Variants in FRYL observed in about 807,000 individuals in gnomAD.
FRYL encodes the protein protein furry homolog-like.
Under a neutral mutation model 351.2 loss-of-function variants are expected in FRYL, and 150 were observed. The ratio of observed to expected loss-of-function variants is 0.43; its 90% CI spans 0.37 to 0.49. The LOEUF (loss-of-function observed/expected upper bound fraction) is 0.49, where lower values mean the gene tolerates loss of function less well. FRYL is among the 20% of genes least tolerant of loss of function. The pLI is 0.00. For synonymous variants in FRYL, 1,153 were observed against 1,257.1 expected (o/e 0.92, Z 1.75); for missense variants, 3,036 against 3,619.3 (o/e 0.84, Z 4.13).
intron 1 of FRYL, among the ~76,000 whole-genome samples, chr4:48,740,342 T>G (rs1771915971): frequency 7.0e-6 from 1 of 141,952 alleles, no homozygotes. Flanking sequence ...TCACCCAGGC[T>G]GGAATGCAGT....
At chr4:48,507,983 TAATA>T (rs1400562829) in intron 59 of FRYL, among the ~76,000 whole-genome samples, 1 of 152,054 alleles carries the variant, frequency 6.6e-6, no homozygotes, top group Non-Finnish European at 1.5e-5. Flanking sequence ...TCTTGAATAA[TAATA>T]AAAAGAATGT....
At chr4:48,683,119 C>T (rs1413605866) in intron 3 of FRYL, among the ~76,000 whole-genome samples, 2 of 152,078 alleles carry the variant, frequency 1.3e-5, no homozygotes, top group African/African-American at 2.4e-5. Context: ...GTCCTTTGCA[C>T]GGACATGGAT....
intron 16 of FRYL, 48 bp from the exon 17 acceptor site, chr4:48,590,878 CCTT>C (rs1743093237): frequency 1.4e-6 from 2 of 1,418,266 alleles, no homozygotes; most frequent in African/African-American, 2.9e-5. Flanking sequence ...TCATAAATTA[CCTT>C]TTTTGCATGT....
chr4:48,581,732 T>A, intron 20 of FRYL, 127 bp from the exon 21 acceptor site: 1 of 679,848 alleles, frequency 1.5e-6, no homozygotes, highest in Non-Finnish European at 2.4e-6. Flanking sequence ...TCAAGCAATG[T>A]AAATCGCATG....
chr4:48,688,562 T>C (rs1434298999), intron 2 of FRYL, among the ~76,000 whole-genome samples: 4 of 152,110 alleles, frequency 2.6e-5, no homozygotes, highest in Admixed American at 2.6e-4. Context: ...GTTTTATCAC[T>C]CTTCAATTGC....
intron 3 of FRYL, among the ~76,000 whole-genome samples, chr4:48,662,662 G>GTGCA (rs1560815599): frequency 2.0e-5 from 3 of 151,010 alleles, no homozygotes; most frequent in African/African-American, 7.3e-5. Flanking sequence ...ACAGTGGCGC[G>GTGCA]TGCATGTAAT....
At chr4:48,748,969 T>C (rs886696716) in intron 1 of FRYL, among the ~76,000 whole-genome samples, 1 of 152,134 alleles carries the variant, frequency 6.6e-6, no homozygotes, top group African/African-American at 2.4e-5. Context: ...AAGAACATTC[T>C]AGCCACAGGA....
chr4:48,540,227 G>T, intron 46 of FRYL, 126 bp downstream of exon 46: 1 of 1,218,604 alleles, frequency 8.2e-7, no homozygotes, highest in South Asian at 1.6e-5. Context: ...AATAATTTAA[G>T]CTACCTAGCG....
intron 3 of FRYL, among the ~76,000 whole-genome samples, chr4:48,640,565 T>C (rs1164870732): frequency 6.6e-6 from 1 of 152,164 alleles, no homozygotes; most frequent in Non-Finnish European, 1.5e-5. Context: ...TAGTATAGTA[T>C]ATGGTGGATA....
chr4:48,687,949 A>T (rs185134468), intron 2 of FRYL, among the ~76,000 whole-genome samples: 13 of 152,300 alleles, frequency 8.5e-5, no homozygotes, highest in African/African-American at 3.1e-4. Flanking sequence ...GTGAGTCTTT[A>T]GGCAACAGTT....
At chr4:48,679,697 A>G (rs1326832242) in intron 3 of FRYL, among the ~76,000 whole-genome samples, 1 of 152,050 alleles carries the variant, frequency 6.6e-6, no homozygotes, top group Non-Finnish European at 1.5e-5. Flanking sequence ...GTTCTAACAC[A>G]AAGAAATGAT....
intron 4 of FRYL, among the ~76,000 whole-genome samples, chr4:48,626,105 C>T (rs1751751731): frequency 6.6e-6 from 1 of 152,036 alleles, no homozygotes; most frequent in Admixed American, 6.6e-5. Context: ...TACAATATAG[C>T]CACGAAAGTT....
At chr4:48,606,414 A>T in intron 10 of FRYL, 24 bp downstream of exon 10, 1 of 1,525,932 alleles carries the variant, frequency 6.6e-7, no homozygotes, top group Non-Finnish European at 9.0e-7. Context: ...TGCTCTATTT[A>T]CTGTCATTTA....
chr4:48,579,591 T>C (rs1451259073), intron 22 of FRYL, among the ~76,000 whole-genome samples: 1 of 152,230 alleles, frequency 6.6e-6, no homozygotes, highest in Non-Finnish European at 1.5e-5. Flanking sequence ...TTAACTTTCA[T>C]GTTGACCTGT....
chr4:48,688,492 ATATT>A (rs1343639238), intron 2 of FRYL, among the ~76,000 whole-genome samples: 3 of 152,170 alleles, frequency 2.0e-5, no homozygotes, highest in Non-Finnish European at 2.9e-5. Context: ...TTTTAAAAAA[ATATT>A]TATGGTCATC....
intron 1 of FRYL, among the ~76,000 whole-genome samples, chr4:48,723,056 C>T (rs1281314361): frequency 8.5e-5 from 13 of 152,206 alleles, no homozygotes; most frequent in Middle Eastern, 3.4e-3. Flanking sequence ...TCCTCCTGGA[C>T]ATCTAAAGGA....
chr4:48,528,898 C>T (rs1166953082), intron 50 of FRYL, among the ~76,000 whole-genome samples: 1 of 152,044 alleles, frequency 6.6e-6, no homozygotes, highest in Non-Finnish European at 1.5e-5. Flanking sequence ...TAATCAAAAA[C>T]TCATTTATAT....
intron 1 of FRYL, among the ~76,000 whole-genome samples, chr4:48,769,186 T>A (rs190759746): frequency 1.3e-5 from 2 of 152,144 alleles, no homozygotes; most frequent in African/African-American, 4.8e-5. Flanking sequence ...TTCTGTTCTA[T>A]GAAAGATCTA....
chr4:48,530,650 C>A (rs1362643202), intron 50 of FRYL, among the ~76,000 whole-genome samples: 3 of 152,098 alleles, frequency 2.0e-5, no homozygotes, highest in Non-Finnish European at 4.4e-5. Flanking sequence ...CCAAGGTAGG[C>A]GGTACTAGTT....
Sources: gnomAD v4.1 joint callset for allele counts (sites outside exome capture counted in the v4.1 genomes callset) on GRCh38, gnomAD v4.1.1 for gene constraint, MANE v1.5 for transcripts, NCBI Gene and HGNC (gene_info 2026-07-23, HGNC 2026-07-21) for gene names.